Variants in UBA6 observed in about 807,000 individuals in gnomAD.
UBA6 encodes the protein ubiquitin-like modifier-activating enzyme 6.
In UBA6, 87 loss-of-function variants were observed where a neutral mutation model predicts 148.3. That is an observed-to-expected ratio of 0.59 (90% CI 0.49 to 0.70). The LOEUF is 0.70. Among genes scored for constraint, UBA6 ranks in the 30% least tolerant of loss-of-function variants. The pLI, the probability that UBA6 is intolerant of heterozygous loss-of-function variation, is 0.00. For missense variants in UBA6, 1,186 were observed against 1,241.2 expected (o/e 0.96, Z 0.67); for synonymous variants, 376 against 401.0 (o/e 0.94, Z 0.75).
At chr4:67,662,116 G>C in intron 13 of UBA6, 73 bp downstream of exon 13, 2 of 1,426,438 alleles carry the variant, frequency 1.4e-6, no homozygotes, top group South Asian at 1.2e-5. Context: ...TGAAGGATAA[G>C]AGAATACTAA....
Position 67,618,982 on chromosome 4 carries a change from T to A in UBA6, c.*15A>T. On this transcript the variant is annotated 3_prime_UTR_variant, in exon 33 of 33. Transcript: ENST00000322244. Reference sequence around the variant, plus strand: ...AAAATCAAGTGGTCCTGGAGTAACGTTAAGACAACTTGTATTAATCAGTGT... The same window carrying A: ...AAAATCAAGTGGTCCTGGAGTAACGATAAGACAACTTGTATTAATCAGTGT... 6.2e-7 allele frequency: 1 copy of A among 1,611,550 alleles called. No individual in the cohort carries two copies. Among genetic ancestry groups the A allele is most frequent in the Non-Finnish European group, 8.5e-7 (1 of 1,179,308 alleles).
At chr4:67,690,612 C>G (rs1204401090) in intron 2 of UBA6, among the ~76,000 whole-genome samples, 1 of 152,032 alleles carries the variant, frequency 6.6e-6, no homozygotes, top group Non-Finnish European at 1.5e-5. Context: ...TGAACTGACC[C>G]AATTTTTAAA....
Position 67,634,507 on chromosome 4 carries a change from T to TG in UBA6, c.1853dup (p.Glu619ArgfsTer17), listed in dbSNP as rs768478289. On this transcript the variant is annotated frameshift_variant, in exon 21 of 33. Transcript: ENST00000322244. LOFTEE classifies it high-confidence loss of function. The stretch of plus-strand genomic sequence containing the variant: ...GAGTACAAAATGGTATTTCCTCTTC[T>TG]GGGGGATCCCGCTAATTTATAAAAT... 1 of 1,569,032 alleles carries TG rather than the reference T, an allele frequency of 6.4e-7. No individual in the cohort carries two copies.
intron 6 of UBA6, 133 bp from the exon 7 acceptor site, chr4:67,673,910 C>T (rs1038429): frequency 0.38 from 182,775 of 482,680 alleles, 35,453 homozygotes; most frequent in Middle Eastern, 0.46. Flanking sequence ...TATAATCCTA[C>T]GGAATTCCAT....
chr4:67,665,423 G>GTTT, intron 9 of UBA6, 131 bp from the exon 10 acceptor site: 1 of 384,604 alleles, frequency 2.6e-6, no homozygotes, highest in South Asian at 4.6e-5. Flanking sequence ...GTTTTTTTTT[G>GTTT]TTTGTTTGTT....
intron 14 of UBA6, 45 bp downstream of exon 14, chr4:67,649,023 C>G: frequency 6.3e-7 from 1 of 1,588,860 alleles, no homozygotes. Context: ...GTAACACATT[C>G]CATTTCACGA....
chr4:67,627,702 T>C lies in UBA6; in HGVS notation c.2401-1225A>G, dbSNP rs183493817. On this transcript the variant is annotated intron_variant, in intron 27 of 32. Coordinates refer to ENST00000322244, the MANE Select transcript of UBA6 (RefSeq NM_018227.6). The stretch of plus-strand genomic sequence containing the variant: ...AACTGCCCTACAAGTCTTTTTTTTT[T>C]TTCCTAAAATAAAAACGCAGAACGA... 2.7e-3 allele frequency among the ~76,000 whole-genome samples: 414 copies of C among 151,858 alleles called. 3 individuals are homozygous for C. The highest frequency in any genetic ancestry group is 9.7e-3 in the African/African-American group (403 of 41,484).
At chr4:67,649,429 T>C (rs1185968198) in intron 13 of UBA6, among the ~76,000 whole-genome samples, 3 of 152,224 alleles carry the variant, frequency 2.0e-5, no homozygotes, top group East Asian at 3.8e-4. Context: ...CCCATTTTTG[T>C]CTTTGGATTC....
chr4:67,696,518 TACACAC>T (rs4058361), intron 2 of UBA6, 121 bp downstream of exon 2: 190 of 566,328 alleles, frequency 3.4e-4, no homozygotes, highest in Middle Eastern at 1.4e-3. Flanking sequence ...CATATATACA[TACACAC>T]ACACACACAC....
chr4:67,619,574 G>C (rs147582114), intron 32 of UBA6, among the ~76,000 whole-genome samples: 72 of 152,324 alleles, frequency 4.7e-4, no homozygotes, highest in African/African-American at 1.6e-3. Context: ...TACTCGGGAG[G>C]CTGAGGCAAG....
intron 27 of UBA6, among the ~76,000 whole-genome samples, chr4:67,626,984 T>C (rs935976913): frequency 1.3e-5 from 2 of 151,960 alleles, no homozygotes; most frequent in Non-Finnish European, 2.9e-5. Flanking sequence ...ATAAGATATA[T>C]AATATGGCCA....
At chr4:67,619,759 A>G (rs925614740) in intron 32 of UBA6, among the ~76,000 whole-genome samples, 4 of 152,194 alleles carry the variant, frequency 2.6e-5, no homozygotes, top group African/African-American at 7.2e-5. Context: ...AAAGTAAAAG[A>G]CATTCTTAGC....
At position 67,645,986 on chromosome 4, in the gene UBA6, G is replaced by C. The variant is rs1165910840; in HGVS notation, c.1347C>G (p.Cys449Trp). The change falls in exon 16 of 33, where the codon TGC becomes TGG. Residue 449 changes from cysteine to tryptophan, a missense_variant. Coordinates refer to ENST00000322244, the MANE Select transcript of UBA6 (RefSeq NM_018227.6). ...RGDRYDALRA[C>W]IGDTLCQKLQ... ...GTTTCTGACACAAAGTGTCTCCAATGCAAGCTCTTAAGGCATCATATCTAT... is the reference window on the plus strand; with the variant it reads ...GTTTCTGACACAAAGTGTCTCCAATCCAAGCTCTTAAGGCATCATATCTAT... 1 of 1,593,252 alleles carries C rather than the reference G, an allele frequency of 6.3e-7. No individual in the cohort carries two copies. Among genetic ancestry groups the C allele is most frequent in the Non-Finnish European group, 8.6e-7 (1 of 1,168,412 alleles).
At position 67,682,211 on chromosome 4, in the gene UBA6, C is replaced by T. The variant is rs1362060790; in HGVS notation, c.137G>A (p.Arg46Gln). Residue 46 changes from arginine to glutamine, a missense_variant and splice_region_variant, in exon 3 of 33, where the codon CGA (arginine) becomes CAA (glutamine). Transcript: ENST00000322244. ...SVEIDDALYS[R>Q]QRYVLGDTAM... Reference sequence around the variant, plus strand: ...TGTGTCTCCAAGAACGTACCTCTGTCGACTACACGGAAAACACAATAAAAA... The same window carrying T: ...TGTGTCTCCAAGAACGTACCTCTGTTGACTACACGGAAAACACAATAAAAA... 5 of 1,612,020 alleles carry T rather than the reference C, an allele frequency of 3.1e-6. No homozygotes were observed. The highest frequency in any genetic ancestry group is 1.3e-5 in the African/African-American group (1 of 74,802).
At chr4:67,624,051 G>A (rs1167395498) in intron 30 of UBA6, 75 bp downstream of exon 30, 6 of 1,289,342 alleles carry the variant, frequency 4.7e-6, no homozygotes, top group Non-Finnish European at 6.3e-6. Context: ...GGTGAAGCTA[G>A]TATTTTTCCC....
chr4:67,641,292 T>C (rs1729300684), intron 17 of UBA6, 64 bp from the exon 18 acceptor site: 2 of 1,008,288 alleles, frequency 2.0e-6, no homozygotes, highest in African/African-American at 1.6e-5. Flanking sequence ...TTTTCTTTTC[T>C]CAGTATGACT....
chr4:67,669,066 G>GA (rs1466228432), intron 8 of UBA6, among the ~76,000 whole-genome samples: 2 of 152,148 alleles, frequency 1.3e-5, no homozygotes, highest in Non-Finnish European at 2.9e-5. Flanking sequence ...GAACAGTAAA[G>GA]AAGGAGGATA....
At chr4:67,670,332 C>T in intron 8 of UBA6, 138 bp downstream of exon 8, 2 of 667,064 alleles carry the variant, frequency 3.0e-6, no homozygotes, top group Non-Finnish European at 5.1e-6. Flanking sequence ...AAATTAGCTA[C>T]ATATTCCCTC....
In UBA6 at chr4:67,618,891, T is replaced by C; in HGVS notation, c.*106A>G. Reference sequence around the variant, plus strand: ...TGTTTCCCTTAAAATTAAGGCTTAATGAAAGAGAAATCCATAGTATTATGA... The same window carrying C: ...TGTTTCCCTTAAAATTAAGGCTTAACGAAAGAGAAATCCATAGTATTATGA... On this transcript the variant is annotated 3_prime_UTR_variant, in exon 33 of 33. Transcript: ENST00000322244. 4.3e-6 allele frequency: 5 copies of C among 1,161,218 alleles called. No homozygotes were observed. The highest frequency in any genetic ancestry group is 1.7e-5 in the South Asian group (1 of 58,728). 71.9% of individuals were successfully genotyped at this position (1,161,218 alleles called of 1,614,324 possible). A position where few individuals can be genotyped will look rare whatever the true frequency, so the allele number is the denominator to read the frequency against.
Sources: allele counts gnomAD v4.1 joint callset (sites outside exome capture counted in the v4.1 genomes callset), GRCh38; gene constraint gnomAD v4.1.1; transcripts MANE v1.5; gene names NCBI Gene and HGNC (gene_info 2026-07-23, HGNC 2026-07-21).